Variants in KLF12 observed in about 807,000 individuals in gnomAD.
KLF12 encodes the protein KLF transcription factor 12.
In KLF12, 9 loss-of-function variants were observed where a neutral mutation model predicts 37.8. The observed-to-expected ratio is 0.24, with a 90% CI of 0.14 to 0.42. The LOEUF (loss-of-function observed/expected upper bound fraction) is 0.42. KLF12 is among the 10% of genes least tolerant of loss of function. The probability of loss-of-function intolerance (pLI) is 1.00; values close to 1 mark genes in which losing one functional copy is unlikely to be tolerated. For missense variants in KLF12, 411 were observed against 516.0 expected (o/e 0.80, Z 1.97); for synonymous variants, 208 against 202.1 (o/e 1.03, Z -0.25).
At chr13:73,746,992 T>G (rs540668219) in intron 6 of KLF12, among the ~76,000 whole-genome samples, 1 of 152,118 alleles carries the variant, frequency 6.6e-6, no homozygotes, top group Admixed American at 6.5e-5. Flanking sequence ...TTTTTTTGTA[T>G]TTTTAGTAGA....
the KLF12 span, among the ~76,000 whole-genome samples, chr13:74,167,382 G>A: frequency 1.3e-5 from 2 of 152,338 alleles, no homozygotes; most frequent in African/African-American, 4.8e-5. Flanking sequence ...ATAAGGTCAA[G>A]TGGAAATAGC....
the KLF12 span, among the ~76,000 whole-genome samples, chr13:74,252,972 CATCTGTCT>C: frequency 7.2e-6 from 1 of 139,354 alleles, no homozygotes; most frequent in Non-Finnish European, 1.5e-5. Flanking sequence ...ATCTATCTGT[CATCTGTCT>C]ATCTATCTAT....
chr13:73,853,943 C>T (rs916878149), intron 3 of KLF12, among the ~76,000 whole-genome samples: 7 of 152,080 alleles, frequency 4.6e-5, no homozygotes, highest in African/African-American at 1.7e-4. Flanking sequence ...ATTTTAAATC[C>T]TACTTATATG....
chr13:73,930,860 A>ATTTTTTTTTTTTTTTTTTTTTTTTTTT, intron 3 of KLF12, among the ~76,000 whole-genome samples: 1 of 109,468 alleles, frequency 9.1e-6, no homozygotes, highest in Non-Finnish European at 1.7e-5. Flanking sequence ...AACTGGAAAC[A>ATTTTTTTTTTTTTTTTTTTTTTTTTTT]TTTTTTTTTT....
At chr13:73,923,055 C>T (rs147014956) in intron 3 of KLF12, among the ~76,000 whole-genome samples, 132 of 152,256 alleles carry the variant, frequency 8.7e-4, no homozygotes, top group African/African-American at 2.9e-3. Context: ...CATTTAAATG[C>T]CAATTTTCAT....
At chr13:73,779,402 A>G (rs755800953) in intron 5 of KLF12, among the ~76,000 whole-genome samples, 16 of 152,174 alleles carry the variant, frequency 1.1e-4, no homozygotes, top group Admixed American at 2.0e-4. Flanking sequence ...TGAAACCTCA[A>G]TAAAACTCCC....
chr13:73,804,881 C>T (rs1054974), intron 5 of KLF12, among the ~76,000 whole-genome samples: 28,381 of 152,122 alleles, frequency 0.19, 3,511 homozygotes, highest in East Asian at 0.47. Context: ...TAAATAAAAA[C>T]GAAGCATCTT....
chr13:73,822,186 A>G (rs1883565677), intron 4 of KLF12, among the ~76,000 whole-genome samples: 1 of 152,226 alleles, frequency 6.6e-6, no homozygotes, highest in Non-Finnish European at 1.5e-5. Flanking sequence ...TCTGACTTAC[A>G]TTCTAATATT....
chr13:74,189,149 C>T, the KLF12 span, among the ~76,000 whole-genome samples: 2 of 152,168 alleles, frequency 1.3e-5, no homozygotes, highest in African/African-American at 4.8e-5. Context: ...ATTATCTTTC[C>T]AGTGGAACTT....
At chr13:74,071,401 C>G (rs1346482550) in intron 1 of KLF12, among the ~76,000 whole-genome samples, 3 of 152,022 alleles carry the variant, frequency 2.0e-5, no homozygotes, top group African/African-American at 7.2e-5. Flanking sequence ...TAAGAAATGA[C>G]TGGGGCCGGG....
intron 3 of KLF12, among the ~76,000 whole-genome samples, chr13:73,939,356 G>A (rs774244071): frequency 6.6e-6 from 1 of 151,962 alleles, no homozygotes; most frequent in Admixed American, 6.6e-5. Context: ...ACAAAATTAG[G>A]CAGAATAAAC....
At chr13:73,737,235 T>G (rs1312088562) in intron 6 of KLF12, among the ~76,000 whole-genome samples, 1 of 152,234 alleles carries the variant, frequency 6.6e-6, no homozygotes, top group Non-Finnish European at 1.5e-5. Context: ...TTATATTTTA[T>G]ATCCTGCCCT....
At chr13:74,076,174 A>G (rs973922490) in intron 1 of KLF12, among the ~76,000 whole-genome samples, 1 of 152,206 alleles carries the variant, frequency 6.6e-6, no homozygotes, top group Non-Finnish European at 1.5e-5. Context: ...TAAAGCTATT[A>G]TATTTTTTAA....
intron 6 of KLF12, among the ~76,000 whole-genome samples, chr13:73,718,220 AAAG>A (rs1875960343): frequency 6.6e-6 from 1 of 152,226 alleles, no homozygotes; most frequent in Admixed American, 6.5e-5. Flanking sequence ...AACGTAAAAA[AAAG>A]AAAAGCCAAC....
At position 74,032,936 on chromosome 13, in the gene KLF12, T is replaced by C. The variant is rs1201180216; in HGVS notation, c.-31-37883A>G. Among the ~76,000 whole-genome samples the C allele has an allele frequency of 2.0e-5, 3 of 152,220 alleles. No homozygotes were observed. In the East Asian group the frequency reaches 5.8e-4, roughly 29 times the overall value. On this transcript the variant is annotated intron_variant, in intron 1 of 7. Coordinates refer to ENST00000377669, the MANE Select transcript of KLF12 (RefSeq NM_007249.5). Reference sequence around the variant, plus strand: ...TTAATGTTCAATTGCTTTTATTCTTTAAAACTCCATTTCTCTGTATCTACC... The same window carrying C: ...TTAATGTTCAATTGCTTTTATTCTTCAAAACTCCATTTCTCTGTATCTACC...
In KLF12 at chr13:73,840,471, T is replaced by A. The variant is rs145954263; in HGVS notation, c.670+5356A>T. Among the ~76,000 whole-genome samples, 684 of 152,186 alleles carry A rather than the reference T, an allele frequency of 4.5e-3. 4 individuals are homozygous for A. Among genetic ancestry groups the A allele is most frequent in the East Asian group, 0.014 (72 of 5,158 alleles). On this transcript the variant is annotated intron_variant, in intron 4 of 7. Transcript: ENST00000377669. The stretch of plus-strand genomic sequence containing the variant: ...TCTATTAAAATGTGGAACAGGCATA[T>A]CAAATTTAACACGTCCCAAAGGGAA...
intron 4 of KLF12, among the ~76,000 whole-genome samples, chr13:73,841,456 G>A (rs1268846984): frequency 2.0e-5 from 3 of 152,128 alleles, no homozygotes; most frequent in African/African-American, 7.2e-5. Flanking sequence ...ACAAATTTGT[G>A]TTGGGCCTTA....
intron 4 of KLF12, among the ~76,000 whole-genome samples, chr13:73,822,265 T>C (rs1883570756): frequency 6.6e-6 from 1 of 152,262 alleles, no homozygotes; most frequent in Non-Finnish European, 1.5e-5. Flanking sequence ...ATTATATTTT[T>C]GGTTTGGGAT....
At chr13:73,844,478 A>G (rs2138676209) in intron 4 of KLF12, among the ~76,000 whole-genome samples, 1 of 152,336 alleles carries the variant, frequency 6.6e-6, no homozygotes, top group South Asian at 2.1e-4. Flanking sequence ...GAGATTATCA[A>G]GTAAGCAACG....
Sources: gnomAD v4.1 joint callset for allele counts (sites outside exome capture counted in the v4.1 genomes callset) on GRCh38, gnomAD v4.1.1 for gene constraint, MANE v1.5 for transcripts, NCBI Gene and HGNC (gene_info 2026-07-23, HGNC 2026-07-21) for gene names.